The following POSTN variants were observed in gnomAD, a reference collection of about 807,000 sequenced individuals.
The protein encoded by POSTN is osteoblast specific factor 2 (fasciclin I-like).
A neutral mutation model predicts 104.5 loss-of-function variants in POSTN; 71 were observed. The observed-to-expected ratio is 0.68, with a 90% CI of 0.56 to 0.83. The LOEUF is 0.83. POSTN is among the 40% of genes least tolerant of loss of function. The probability of loss-of-function intolerance (pLI) is 0.00; values close to 1 mark genes in which losing one functional copy is unlikely to be tolerated. For synonymous variants in POSTN, 355 were observed against 340.7 expected, an observed-to-expected ratio of 1.04 and a Z score of -0.46; for missense variants, 949 against 1,006.8, an observed-to-expected ratio of 0.94 and a Z score of 0.78.
chr13:37,593,637 A>G lies in POSTN; in HGVS notation c.219-1473T>C, dbSNP rs1167246329. Among the ~76,000 whole-genome samples the G allele has an allele frequency of 3.3e-5, 5 of 151,650 alleles. No homozygotes were observed. In the East Asian group the frequency reaches 9.7e-4, roughly 30 times the overall value. On this transcript the variant is annotated intron_variant, in intron 2 of 22. Coordinates refer to ENST00000379747, the MANE Select transcript of POSTN (RefSeq NM_006475.3). ...AATGCTATTTCTTTTCTGGCTTTTT[A>G]TCCAGTTGTCTTAATTGTATTCAAG...
intron 15 of POSTN, 68 bp from the exon 16 acceptor site, chr13:37,577,866 C>G: frequency 6.3e-7 from 1 of 1,592,492 alleles, no homozygotes; most frequent in East Asian, 2.3e-5. Flanking sequence ...CATGGCACCA[C>G]TTTAATTCTT....
In POSTN at chr13:37,580,678, G is replaced by A. The variant is rs1444836052; in HGVS notation, c.1412C>T (p.Ser471Leu). 1 of 1,613,962 alleles carries A rather than the reference G, an allele frequency of 6.2e-7. No individual in the cohort carries two copies. Among genetic ancestry groups the A allele is most frequent in the Non-Finnish European group, 8.5e-7 (1 of 1,179,990 alleles). The change falls in exon 11 of 23, where the codon TCA becomes TTA. Residue 471 changes from serine to leucine, a missense_variant. Coordinates refer to ENST00000379747, the MANE Select transcript of POSTN (RefSeq NM_006475.3). ...VYRTAVCIEN[S>L]CMEKGSKQGR... is the part of the protein sequence containing the mutation. The stretch of plus-strand genomic sequence containing the variant: ...TTGCTTACTCCCTTTCTCCATGCAT[G>A]AATTTTCAATGCAGACAGCCTAGGA...
At chr13:37,597,134 A>G in intron 2 of POSTN, 50 bp downstream of exon 2, 1 of 1,264,414 alleles carries the variant, frequency 7.9e-7, no homozygotes, top group Admixed American at 2.5e-5. Context: ...CATATACATC[A>G]TGATGTTGTT....
chr13:37,582,442 C>G lies in POSTN; in HGVS notation c.1316G>C (p.Gly439Ala), dbSNP rs756720443. The change falls in exon 10 of 23, where the codon GGC (glycine) becomes GCC (alanine). Residue 439 changes from glycine to alanine, a missense_variant. Gly to Ala is a moderately conservative substitution (Grantham distance 60). Coordinates refer to ENST00000379747, the MANE Select transcript of POSTN (RefSeq NM_006475.3). ...LQNHILKVKVGLNELYNGQIL... is the reference protein window; with the variant it reads ...LQNHILKVKVALNELYNGQIL... ...TTGCCCGTTGTAAAGCTCATTAAGGCCAACTTTTACTTTCAATATGTGATT... is the reference window on the plus strand; with the variant it reads ...TTGCCCGTTGTAAAGCTCATTAAGGGCAACTTTTACTTTCAATATGTGATT... 1 of 1,613,748 alleles carries G rather than the reference C, an allele frequency of 6.2e-7. No individual in the cohort carries two copies. The highest frequency in any genetic ancestry group is 8.5e-7 in the Non-Finnish European group (1 of 1,179,792).
chr13:37,578,816 A>T, intron 15 of POSTN, 28 bp downstream of exon 15: 2 of 1,482,304 alleles, frequency 1.3e-6, no homozygotes, highest in Non-Finnish European at 9.0e-7. Context: ...AAAAAAAAAA[A>T]AGAAATAAAT....
chr13:37,573,417 AC>A (rs1314717584), intron 17 of POSTN, among the ~76,000 whole-genome samples: 3 of 150,910 alleles, frequency 2.0e-5, no homozygotes, highest in South Asian at 2.1e-4. Flanking sequence ...CAAGAAAAAA[AC>A]AAGGATAGAT....
intron 6 of POSTN, 133 bp downstream of exon 6, chr13:37,586,649 T>G: frequency 1.2e-6 from 1 of 817,434 alleles, no homozygotes; most frequent in South Asian, 1.8e-5. Context: ...CTGTGTAAAA[T>G]GAAAATAGTA....
chr13:37,576,275 A>C (rs2138230980), intron 16 of POSTN, among the ~76,000 whole-genome samples: 1 of 152,236 alleles, frequency 6.6e-6, no homozygotes, highest in Non-Finnish European at 1.5e-5. Flanking sequence ...AAAAATAGAA[A>C]ATTTGGTTTA....
At chr13:37,583,442 C>T (rs1304401042) in intron 9 of POSTN, among the ~76,000 whole-genome samples, 9 of 117,008 alleles carry the variant, frequency 7.7e-5, no homozygotes, top group African/African-American at 2.6e-4. Flanking sequence ...TTTTAAGTTT[C>T]GTTTTTTTTT....
chr13:37,569,833 A>T lies in POSTN; in HGVS notation c.2270-12T>A, dbSNP rs1025733601. The T allele has an allele frequency of 1.9e-6, 3 of 1,570,506 alleles. No individual in the cohort carries two copies. Among genetic ancestry groups the T allele is most frequent in the Non-Finnish European group, 2.6e-6 (3 of 1,145,250 alleles). On this transcript the variant is annotated splice_polypyrimidine_tract_variant and intron_variant, in intron 19 of 22. Transcript: ENST00000379747. ...TTTTATTTCAGGACCTATGAGAAGGACAATGAAAAAGGTCTAAAACAGAAG... is the reference window on the plus strand; with the variant it reads ...TTTTATTTCAGGACCTATGAGAAGGTCAATGAAAAAGGTCTAAAACAGAAG...
Position 37,598,603 on chromosome 13 carries a change from CT to C in POSTN, c.119+4del, listed in dbSNP as rs1951157155. On this transcript the variant is annotated splice_donor_region_variant and intron_variant, in intron 1 of 22. Coordinates refer to ENST00000379747, the MANE Select transcript of POSTN (RefSeq NM_006475.3). Reference sequence around the variant, plus strand: ...ATGGTTTATAAAACCAAACCACTCACTTACCCTTGGTCCCGACCCCTGATAC... The same window carrying C: ...ATGGTTTATAAAACCAAACCACTCACTACCCTTGGTCCCGACCCCTGATAC... 6.2e-7 allele frequency: 1 copy of C among 1,607,400 alleles called. No homozygotes were observed. Among genetic ancestry groups the C allele is most frequent in the Non-Finnish European group, 8.5e-7 (1 of 1,175,458 alleles).
At chr13:37,563,417 T>C in intron 22 of POSTN, 47 bp from the exon 23 acceptor site, 3 of 1,318,786 alleles carry the variant, frequency 2.3e-6, no homozygotes, top group East Asian at 2.4e-5. Context: ...TGTTAGGAAA[T>C]TTTAAAATTT....
Position 37,586,236 on chromosome 13 carries a change from G to GTC in POSTN, c.796_797dup (p.Asp266GlufsTer23). Reference sequence around the variant, plus strand: ...TGGGAGCAAAGAGTGTGAAGTGACCGTCTCTTCCAAGGGCCTCCAATATGT... The same window carrying GTC: ...TGGGAGCAAAGAGTGTGAAGTGACCGTCTCTCTTCCAAGGGCCTCCAATATGT... On this transcript the variant is annotated frameshift_variant, in exon 7 of 23. Coordinates refer to ENST00000379747, the MANE Select transcript of POSTN (RefSeq NM_006475.3). LOFTEE classifies it high-confidence loss of function. 1 of 1,613,470 alleles carries GTC rather than the reference G, an allele frequency of 6.2e-7. No homozygotes were observed. The highest frequency in any genetic ancestry group is 8.5e-7 in the Non-Finnish European group (1 of 1,179,578).
chr13:37,578,594 G>A (rs1330899442), intron 15 of POSTN, among the ~76,000 whole-genome samples: 3 of 151,862 alleles, frequency 2.0e-5, no homozygotes, highest in South Asian at 4.2e-4. Flanking sequence ...TCAGGAGATC[G>A]AGACCATCCT....
At chr13:37,580,522 A>G in intron 11 of POSTN, 39 bp downstream of exon 11, 131 of 1,594,010 alleles carry the variant, frequency 8.2e-5, no homozygotes, top group Non-Finnish European at 1.1e-4. Context: ...ATATGCCAAT[A>G]GCTCTCATTC....
intron 2 of POSTN, among the ~76,000 whole-genome samples, chr13:37,594,581 G>A (rs1408461388): frequency 6.6e-6 from 1 of 152,002 alleles, no homozygotes; most frequent in African/African-American, 2.4e-5. Flanking sequence ...TTTGTTTTCA[G>A]AATAGTATCT....
At chr13:37,591,058 T>A (rs1950917381) in intron 3 of POSTN, among the ~76,000 whole-genome samples, 1 of 152,206 alleles carries the variant, frequency 6.6e-6, no homozygotes, top group Admixed American at 6.5e-5. Context: ...TGACCCTATT[T>A]ATTTGAAAAT....
At chr13:37,567,217 CAG>C (rs1950135106) in intron 21 of POSTN, among the ~76,000 whole-genome samples, 1 of 86,676 alleles carries the variant, frequency 1.2e-5, no homozygotes, top group Non-Finnish European at 2.2e-5. Context: ...GCCTGGGCGA[CAG>C]AGCGAGACTC....
At chr13:37,590,276 T>C (rs1950889302) in intron 4 of POSTN, 96 bp downstream of exon 4, 2 of 983,372 alleles carry the variant, frequency 2.0e-6, no homozygotes, top group Admixed American at 2.8e-5. Context: ...AATAGAAAGA[T>C]ATAAAATTTC....
Sources: gnomAD v4.1 joint callset for allele counts (sites outside exome capture counted in the v4.1 genomes callset) on GRCh38, gnomAD v4.1.1 for gene constraint, MANE v1.5 for transcripts, NCBI Gene and HGNC (gene_info 2026-07-23, HGNC 2026-07-21) for gene names.